Variants in SLC4A4 observed in about 807,000 individuals in gnomAD.
The protein encoded by SLC4A4 is solute carrier family 4 member 4.
SLC4A4 carries 27 observed loss-of-function variants against 111.5 expected under a neutral mutation model. That is an observed-to-expected ratio of 0.24 (90% confidence interval 0.18 to 0.33). The LOEUF is 0.33. SLC4A4 is among the 10% of genes least tolerant of loss of function. The pLI, the probability that SLC4A4 is intolerant of heterozygous loss-of-function variation, is 1.00. For synonymous variants in SLC4A4, 443 were observed against 463.4 expected (o/e 0.96, Z 0.57); for missense variants, 909 against 1,315.5 (o/e 0.69, Z 4.78).
chr4:71,385,453 C>T (rs924768968), intron 6 of SLC4A4, among the ~76,000 whole-genome samples: 20 of 151,780 alleles, frequency 1.3e-4, no homozygotes, highest in Admixed American at 1.3e-3. Flanking sequence ...CCACCTCAGC[C>T]TCCGAAAGTG....
intron 20 of SLC4A4, among the ~76,000 whole-genome samples, chr4:71,548,450 A>G (rs1334680328): frequency 6.6e-6 from 1 of 151,910 alleles, no homozygotes. Flanking sequence ...AAAACTAAAG[A>G]AAGTTAGTGT....
intron 1 of SLC4A4, among the ~76,000 whole-genome samples, chr4:71,233,958 A>C (rs575174304): frequency 6.6e-6 from 1 of 152,252 alleles, no homozygotes; most frequent in South Asian, 2.1e-4. Context: ...AATCAATATC[A>C]TCTCCTAAAG....
intron 1 of SLC4A4, among the ~76,000 whole-genome samples, chr4:71,234,639 T>A (rs528981574): frequency 1.4e-3 from 213 of 152,236 alleles, no homozygotes; most frequent in Non-Finnish European, 2.6e-3. Flanking sequence ...TAGTCAGGCT[T>A]GTCTCCAACT....
chr4:71,390,045 T>A (rs572687891), intron 6 of SLC4A4, among the ~76,000 whole-genome samples: 1 of 152,298 alleles, frequency 6.6e-6, no homozygotes, highest in East Asian at 1.9e-4. Flanking sequence ...AATATTTTTG[T>A]CTTTTATTTA....
At chr4:71,524,786 A>C (rs1366979511) in intron 16 of SLC4A4, among the ~76,000 whole-genome samples, 1 of 152,138 alleles carries the variant, frequency 6.6e-6, no homozygotes, top group Non-Finnish European at 1.5e-5. Flanking sequence ...ATGTAAAATA[A>C]ATGCTTTTTT....
chr4:71,265,175 C>T (rs1722145741), intron 3 of SLC4A4, among the ~76,000 whole-genome samples: 1 of 152,106 alleles, frequency 6.6e-6, no homozygotes, highest in African/African-American at 2.4e-5. Context: ...GTTCTTTGTA[C>T]ATTTTTGTGT....
intron 4 of SLC4A4, among the ~76,000 whole-genome samples, chr4:71,345,837 A>G (rs1343097045): frequency 1.3e-5 from 2 of 152,154 alleles, no homozygotes; most frequent in Admixed American, 6.6e-5. Context: ...AATCATATAT[A>G]GTTATGTCCA....
chr4:71,365,592 A>G (rs776848357), intron 6 of SLC4A4, among the ~76,000 whole-genome samples: 20 of 152,040 alleles, frequency 1.3e-4, no homozygotes, highest in Admixed American at 3.3e-4. Flanking sequence ...ATTCTACTCA[A>G]CTCCTGTATC....
intron 12 of SLC4A4, among the ~76,000 whole-genome samples, chr4:71,464,167 A>G (rs1436010208): frequency 5.3e-5 from 8 of 152,174 alleles, no homozygotes; most frequent in South Asian, 2.1e-4. Context: ...TCTATGCACA[A>G]GGGTTGAAAT....
chr4:71,219,923 TC>T lies in SLC4A4; in HGVS notation c.-1-16652del, dbSNP rs1192534174. On this transcript the variant is annotated intron_variant, in intron 1 of 25. Transcript: ENST00000264485. ...AAACTTGAATGGATGGGGAGTCACT[TC>T]TCATGGATGAGCAAAGAAAGTGATT... is the stretch of plus-strand genomic sequence containing the variant. Among the ~76,000 whole-genome samples, 11 of 152,222 alleles carry T rather than the reference TC, an allele frequency of 7.2e-5. No homozygotes were observed. In the East Asian group the frequency reaches 1.9e-3, roughly 27 times the overall value.
intron 5 of SLC4A4, among the ~76,000 whole-genome samples, chr4:71,354,187 T>TA (rs145289222): frequency 0.04 from 6,117 of 152,224 alleles, 417 homozygotes; most frequent in African/African-American, 0.14. Context: ...CCTTTTAAGT[T>TA]AAAAAAATTA....
At chr4:71,198,489 G>GA (rs1746107448) in intron 1 of SLC4A4, among the ~76,000 whole-genome samples, 1 of 152,178 alleles carries the variant, frequency 6.6e-6, no homozygotes, top group African/African-American at 2.4e-5. Flanking sequence ...AGGGTCTAGA[G>GA]AAACACGCTG....
chr4:71,272,235 A>G (rs773759093), intron 3 of SLC4A4, among the ~76,000 whole-genome samples: 6 of 152,202 alleles, frequency 3.9e-5, no homozygotes, highest in Non-Finnish European at 5.9e-5. Flanking sequence ...AGAAAAGCTC[A>G]TGTAGTGGTG....
intron 4 of SLC4A4, among the ~76,000 whole-genome samples, chr4:71,344,991 A>G (rs1249061893): frequency 1.3e-5 from 2 of 152,136 alleles, no homozygotes; most frequent in Non-Finnish European, 2.9e-5. Flanking sequence ...AAGATTAAGT[A>G]TTTATTTATA....
chr4:71,204,957 C>T (rs1717665379), intron 1 of SLC4A4, among the ~76,000 whole-genome samples: 1 of 152,180 alleles, frequency 6.6e-6, no homozygotes, highest in South Asian at 2.1e-4. Flanking sequence ...ACACGTACAT[C>T]TTAACACTGG....
At chr4:71,312,648 A>G (rs544081687) in intron 3 of SLC4A4, among the ~76,000 whole-genome samples, 136 of 152,360 alleles carry the variant, frequency 8.9e-4, no homozygotes, top group Non-Finnish European at 1.4e-3. Context: ...AATCCATCAC[A>G]TAAACAGAAC....
intron 7 of SLC4A4, among the ~76,000 whole-genome samples, chr4:71,412,656 T>G (rs1004282074): frequency 2.6e-5 from 4 of 152,204 alleles, no homozygotes; most frequent in Admixed American, 1.3e-4. Flanking sequence ...GGTCTCATTA[T>G]AGACTGTGAG....
At chr4:71,340,128 G>A (rs530500457) in intron 4 of SLC4A4, among the ~76,000 whole-genome samples, 2 of 152,234 alleles carry the variant, frequency 1.3e-5, no homozygotes, top group East Asian at 3.9e-4. Flanking sequence ...GGAGGCTGAA[G>A]TAGGAGGCTC....
intron 18 of SLC4A4, 112 bp from the exon 19 acceptor site, chr4:71,546,238 A>C (rs1170518972): frequency 5.4e-6 from 5 of 926,236 alleles, no homozygotes; most frequent in Non-Finnish European, 8.8e-6. Context: ...AGTTTAACTT[A>C]CCAAGCAAAG....
Sources: gnomAD v4.1 joint callset for allele counts (sites outside exome capture counted in the v4.1 genomes callset) on GRCh38, gnomAD v4.1.1 for gene constraint, MANE v1.5 for transcripts, NCBI Gene and HGNC (gene_info 2026-07-23, HGNC 2026-07-21) for gene names.